BAHCC1: variants seen among roughly 807,000 people sequenced by gnomAD.
The protein encoded by BAHCC1 is BAH domain and coiled-coil containing 1.
In BAHCC1, 43 loss-of-function variants were observed where a neutral mutation model predicts 88.2. That is an observed-to-expected ratio of 0.49 (90% CI 0.38 to 0.63). BAHCC1 has a LOEUF of 0.63. Among genes scored for constraint, BAHCC1 ranks in the 20% least tolerant of loss-of-function variants. BAHCC1 has a pLI of 0.00. For synonymous variants in BAHCC1, 1,510 were observed against 745.5 expected (o/e 2.03, Z -16.71); for missense variants, 3,023 against 1,654.8 (o/e 1.83, Z -14.34).
At chr17:81,397,826 CCAGA>C (rs1157493443) in intron 1 of BAHCC1, among the ~76,000 whole-genome samples, 4 of 152,202 alleles carry the variant, frequency 2.6e-5, no homozygotes, top group African/African-American at 7.2e-5. Context: ...TATGTAGTTG[CCAGA>C]CAAAGAGAAC....
chr17:81,462,973 C>A lies in BAHCC1; in HGVS notation c.7617C>A (p.Gly2539=). 1 of 779,948 alleles carries A rather than the reference C, an allele frequency of 1.3e-6. No individual in the cohort carries two copies. The highest frequency in any genetic ancestry group is 1.7e-5 in the Admixed American group (1 of 59,014). The allele number at this position is 779,948 out of a possible 1,614,324, so 48.3% of individuals were successfully genotyped here. Residue 2539 remains glycine (G), a synonymous_variant, in exon 27 of 28, where the codon GGC becomes GGA. Transcript: ENST00000675386. ...ETKLGKRQCD[G]KNALYQSCHE... is the part of the protein sequence containing the mutation. Reference sequence around the variant, plus strand: ...AGCTGGGCAAGAGGCAGTGCGACGGCAAGGTGAGGCCCGGACAGGTGTGGG... The same window carrying A: ...AGCTGGGCAAGAGGCAGTGCGACGGAAAGGTGAGGCCCGGACAGGTGTGGG...
chr17:81,420,745 C>T (rs1179415822), intron 2 of BAHCC1, among the ~76,000 whole-genome samples: 3 of 152,256 alleles, frequency 2.0e-5, no homozygotes, highest in Non-Finnish European at 4.4e-5. Flanking sequence ...CAACTGGAGG[C>T]CAGTGTGCAG....
intron 3 of BAHCC1, among the ~76,000 whole-genome samples, chr17:81,436,720 G>A (rs370775654): frequency 2.0e-5 from 3 of 152,142 alleles, no homozygotes; most frequent in Non-Finnish European, 4.4e-5. Context: ...GGCCAGGCTC[G>A]AGCCTCAGCC....
At chr17:81,417,563 C>CCA (rs2064050564) in intron 2 of BAHCC1, among the ~76,000 whole-genome samples, 1 of 130,828 alleles carries the variant, frequency 7.6e-6, no homozygotes, top group African/African-American at 2.8e-5. Flanking sequence ...CCACCCCCCC[C>CCA]CCGCCCTAGC....
rs2030533087 is a variant in BAHCC1 at position 81,464,068 on chromosome 17, GC to G, written c.*255del. ...TGTGGCCCTCATGGGTCCCCGGCCC[GC>G]CCCACCCACAGCGCCCTCCGTTTCC... On this transcript the variant is annotated 3_prime_UTR_variant, in exon 28 of 28. Coordinates refer to ENST00000675386, the MANE Select transcript of BAHCC1 (RefSeq NM_001377448.1). The G allele has an allele frequency of 1.8e-6, 1 of 557,836 alleles. No homozygotes were observed. Among genetic ancestry groups the G allele is most frequent in the African/African-American group, 1.9e-5 (1 of 51,900 alleles). 34.6% of individuals were successfully genotyped at this position (557,836 alleles called of 1,614,324 possible).
chr17:81,456,786 C>T (rs1209952287), intron 16 of BAHCC1, among the ~76,000 whole-genome samples: 1 of 152,112 alleles, frequency 6.6e-6, no homozygotes, highest in Non-Finnish European at 1.5e-5. Flanking sequence ...CATCCCCAGG[C>T]AGAGCTCAGT....
chr17:81,463,921 G>A lies in BAHCC1; in HGVS notation c.*104G>A, dbSNP rs1165856555. The A allele has an allele frequency of 3.8e-5, 25 of 662,802 alleles. No homozygotes were observed. The highest frequency in any genetic ancestry group is 4.9e-5 in the Non-Finnish European group (18 of 364,454). The allele number at this position is 662,802 out of a possible 1,614,324, so 41.1% of individuals were successfully genotyped here. A position where few individuals can be genotyped will look rare whatever the true frequency, so the allele number is the denominator to read the frequency against. ...GAGGCAGCCCCGGCCTCCCAAGGGC[G>A]CATCTGAGCAAATATGCAAAAGCCC... On this transcript the variant is annotated 3_prime_UTR_variant, in exon 28 of 28. Transcript: ENST00000675386.
In BAHCC1 at chr17:81,411,846, G is replaced by A. The variant is rs1244632970; in HGVS notation, c.178+11929G>A. On this transcript the variant is annotated intron_variant, in intron 2 of 27. Coordinates refer to ENST00000675386, the MANE Select transcript of BAHCC1 (RefSeq NM_001377448.1). This position sits in a 1 kb window ranked among gnomAD's most constrained non-coding sequence, Gnocchi z 6.2. ...TTCCCGACAAGCCCCTCACCGCCCCGGCCCCTGCCCCTCCACACCCTGGTC... is the reference window on the plus strand; with the variant it reads ...TTCCCGACAAGCCCCTCACCGCCCCAGCCCCTGCCCCTCCACACCCTGGTC... Among the ~76,000 whole-genome samples the A allele has an allele frequency of 1.3e-5, 2 of 152,146 alleles. No homozygotes were observed. Among genetic ancestry groups the A allele is most frequent in the Non-Finnish European group, 2.9e-5 (2 of 68,018 alleles).
chr17:81,459,321 A>G lies in BAHCC1; in HGVS notation c.5789A>G (p.Gln1930Arg), dbSNP rs782697273. 2.6e-6 allele frequency: 2 copies of G among 778,956 alleles called. No individual in the cohort carries two copies. The highest frequency in any genetic ancestry group is 4.8e-6 in the Non-Finnish European group (2 of 417,596). The allele number at this position is 778,956 out of a possible 1,614,324, so 48.3% of individuals were successfully genotyped here. A position where few individuals can be genotyped will look rare whatever the true frequency, so the allele number is the denominator to read the frequency against. ...ATCTACTCACTGGAGCAGCTGCTGC[A>G]GGAAGCGGTGAGGACCGGGCCGGCC... ...QRIYSLEQLL[Q>R]EAVLDVRPQS... The change falls in exon 22 of 28, where the codon CAG becomes CGG. Residue 1930 changes from glutamine (Q) to arginine (R), a missense_variant. By Grantham distance (43) the Gln-to-Arg change is conservative. Transcript: ENST00000675386.
intron 2 of BAHCC1, chr17:81,407,464 C>T (rs782467320): frequency 1.0e-4 from 53 of 509,892 alleles, no homozygotes; most frequent in Non-Finnish European, 1.7e-4. Context: ...CAACCAGGGG[C>T]GCCTCCTGTT....
At position 81,457,506 on chromosome 17, in the gene BAHCC1, C is replaced by T; in HGVS notation, c.4955C>T (p.Ala1652Val). ...CTGCTGCACACCGGGGCCAGTGTGG[C>T]CGTGCTGGGGCCCTCACCCTCCTCT... ...GLLLHTGASVAVLGPSPSSVV... is the reference protein window; with the variant it reads ...GLLLHTGASVVVLGPSPSSVV... Residue 1652 changes from alanine (A) to valine (V), a missense_variant, in exon 17 of 28, where the codon GCC becomes GTC. By Grantham distance (64) the Ala-to-Val change is moderately conservative. Coordinates refer to ENST00000675386, the MANE Select transcript of BAHCC1 (RefSeq NM_001377448.1). 1 of 759,736 alleles carries T rather than the reference C, an allele frequency of 1.3e-6. No individual in the cohort carries two copies. 47.1% of individuals were successfully genotyped at this position (759,736 alleles called of 1,614,324 possible). A position where few individuals can be genotyped will look rare whatever the true frequency, so the allele number is the denominator to read the frequency against.
Position 81,434,942 on chromosome 17 carries a change from GCTC to G in BAHCC1, c.359-3420_359-3418del. Reference sequence around the variant, plus strand: ...CAGGGCTGGTGCACCCTGGGTGGGGGCTCCTCCTCCCTCCCCAGGGGTGAGAAG... The same window carrying G: ...CAGGGCTGGTGCACCCTGGGTGGGGGCTCCTCCCTCCCCAGGGGTGAGAAG... On this transcript the variant is annotated intron_variant, in intron 3 of 27. Transcript: ENST00000675386. The surrounding 1 kb of genome is among the most constrained non-coding windows in gnomAD (Gnocchi z 4.9). Among the ~76,000 whole-genome samples the G allele has an allele frequency of 6.6e-6, 1 of 152,170 alleles. No individual in the cohort carries two copies. The highest frequency in any genetic ancestry group is 2.4e-5 in the African/African-American group (1 of 41,512).
chr17:81,459,431 C>T, intron 22 of BAHCC1, 65 bp from the exon 23 acceptor site: 2 of 767,968 alleles, frequency 2.6e-6, no homozygotes, highest in South Asian at 2.7e-5. Context: ...GCCCAGGGAC[C>T]AGACTCTCAG....
In BAHCC1 at chr17:81,458,895, C is replaced by T. The variant is rs1225360507; in HGVS notation, c.5531C>T (p.Ser1844Leu). 6.5e-6 allele frequency: 5 copies of T among 774,048 alleles called. No homozygotes were observed. The highest frequency in any genetic ancestry group is 3.4e-5 in the Admixed American group (2 of 58,792). The allele number at this position is 774,048 out of a possible 1,614,324, so 47.9% of individuals were successfully genotyped here. A position where few individuals can be genotyped will look rare whatever the true frequency, so the allele number is the denominator to read the frequency against. ...GAGTTCGACGACAACAGCAGCTTCT[C>T]GGAAGAGGAGGAGGACGAGGAGGAA... ...DFEFDDNSSF[S>L]EEEEDEEEEE... The change falls in exon 20 of 28, where the codon TCG becomes TTG. Residue 1844 changes from serine to leucine, a missense_variant. Physicochemically the swap from Ser to Leu is moderately radical, Grantham distance 145. Coordinates refer to ENST00000675386, the MANE Select transcript of BAHCC1 (RefSeq NM_001377448.1).
intron 2 of BAHCC1, among the ~76,000 whole-genome samples, chr17:81,405,348 G>A (rs1349442652): frequency 1.3e-5 from 2 of 152,212 alleles, no homozygotes; most frequent in Admixed American, 6.5e-5. Flanking sequence ...TTACAGGTGT[G>A]AGCCACCGTG....
chr17:81,442,977 G>A lies in BAHCC1; in HGVS notation c.1628G>A (p.Arg543His), dbSNP rs977663882. The A allele has an allele frequency of 1.4e-5, 11 of 778,864 alleles. No individual in the cohort carries two copies. Among genetic ancestry groups the A allele is most frequent in the African/African-American group, 1.7e-5 (1 of 59,150 alleles). 48.2% of individuals were successfully genotyped at this position (778,864 alleles called of 1,614,324 possible). A position where few individuals can be genotyped will look rare whatever the true frequency, so the allele number is the denominator to read the frequency against. Residue 543 changes from arginine to histidine, a missense_variant, in exon 5 of 28, where the codon CGC (arginine) becomes CAC (histidine). Physicochemically the swap from Arg to His is conservative, Grantham distance 29. Coordinates refer to ENST00000675386, the MANE Select transcript of BAHCC1 (RefSeq NM_001377448.1). The part of the protein sequence containing the change: ...AGPPGAQKVA[R>H]IRHQQHLMAA... ...CCCCCAGGGGCACAGAAGGTGGCCC[G>A]CATCAGGCACCAGCAGCACTTGATG...
chr17:81,411,952 C>T lies in BAHCC1; in HGVS notation c.178+12035C>T, dbSNP rs147682813. ...TGCCACAGGAAGCATTTGCATTCAG[C>T]GAGACACACAGGCGCACAGGGACTC... On this transcript the variant is annotated intron_variant, in intron 2 of 27. Transcript: ENST00000675386. The surrounding 1 kb of genome is among the most constrained non-coding windows in gnomAD (Gnocchi z 6.2). 7.6e-3 allele frequency among the ~76,000 whole-genome samples: 1,160 copies of T among 152,352 alleles called. 10 individuals are homozygous for T. The highest frequency in any genetic ancestry group is 0.025 in the African/African-American group (1,051 of 41,584).
chr17:81,396,936 G>A (rs1236385695), intron 1 of BAHCC1: 4 of 152,370 alleles, frequency 2.6e-5, no homozygotes, highest in African/African-American at 9.6e-5. Flanking sequence ...CCGTCCTCGC[G>A]GTCCTCCGGC....
At chr17:81,413,170 G>A (rs1362393639) in intron 2 of BAHCC1, 6 of 429,814 alleles carry the variant, frequency 1.4e-5, no homozygotes, top group Non-Finnish European at 2.3e-5. Context: ...GTGGGCCGTC[G>A]GGACCCCACC....
Sources: gnomAD v4.1 joint callset for allele counts (sites outside exome capture counted in the v4.1 genomes callset) on GRCh38, gnomAD v4.1.1 for gene constraint, Gnocchi (gnomAD v3.1) non-coding constraint, MANE v1.5 for transcripts, NCBI Gene and HGNC (gene_info 2026-07-23, HGNC 2026-07-21) for gene names.